LMBR1: variants seen among roughly 807,000 people sequenced by gnomAD.
LMBR1 encodes limb development membrane protein 1.
LMBR1 carries 52 observed loss-of-function variants against 73.9 expected under a neutral mutation model. The observed-to-expected ratio is 0.70, with a 90% CI of 0.56 to 0.89. The LOEUF (loss-of-function observed/expected upper bound fraction) is 0.89, where lower values mean the gene tolerates loss of function less well. Ranked by LOEUF, LMBR1 falls within the 40% of genes least tolerant of loss-of-function variation. The probability of loss-of-function intolerance (pLI) is 0.00; values close to 1 mark genes in which losing one functional copy is unlikely to be tolerated. For synonymous variants in LMBR1, 215 were observed against 209.4 expected, an observed-to-expected ratio of 1.03 and a Z score of -0.23; for missense variants, 539 against 579.8, an observed-to-expected ratio of 0.93 and a Z score of 0.72.
chr7:156,836,480 G>A (rs1443528014), intron 2 of LMBR1, among the ~76,000 whole-genome samples: 1 of 152,168 alleles, frequency 6.6e-6, no homozygotes, highest in Non-Finnish European at 1.5e-5. Context: ...TATGAGGTGT[G>A]GATGAGTAAA....
chr7:156,725,244 G>A (rs1045732122), intron 14 of LMBR1, among the ~76,000 whole-genome samples, 191 bp downstream of exon 14: 2 of 152,110 alleles, frequency 1.3e-5, no homozygotes, highest in Non-Finnish European at 2.9e-5. Context: ...GTGAATGGAC[G>A]CCATCCAAAT....
At chr7:156,713,803 T>C (rs1281830245) in intron 15 of LMBR1, among the ~76,000 whole-genome samples, 2 of 152,238 alleles carry the variant, frequency 1.3e-5, no homozygotes, top group African/African-American at 4.8e-5. Context: ...AATGCATTTA[T>C]TAGACTTCAG....
intron 2 of LMBR1, among the ~76,000 whole-genome samples, chr7:156,836,123 G>A (rs1861118): frequency 0.46 from 69,346 of 151,914 alleles, 16,005 homozygotes; most frequent in East Asian, 0.61. Context: ...CAAAAGTCCC[G>A]CAAGTTTAAA....
chr7:156,699,344 C>A (rs1585244886), intron 15 of LMBR1, among the ~76,000 whole-genome samples: 1 of 151,982 alleles, frequency 6.6e-6, no homozygotes, highest in Non-Finnish European at 1.5e-5. Context: ...GGAAAACTGG[C>A]TAGCCATATG....
At chr7:156,803,431 G>T (rs995004179) in intron 4 of LMBR1, among the ~76,000 whole-genome samples, 1 of 152,120 alleles carries the variant, frequency 6.6e-6, no homozygotes, top group African/African-American at 2.4e-5. Flanking sequence ...TCAGAGAAAT[G>T]CAAATCAAAA....
intron 15 of LMBR1, among the ~76,000 whole-genome samples, chr7:156,692,115 G>A (rs572253393): frequency 4.6e-5 from 7 of 152,104 alleles, no homozygotes; most frequent in African/African-American, 9.6e-5. Context: ...TGCACTTGTC[G>A]CCCAGGCTGG....
chr7:156,751,075 A>G (rs1434996688), intron 9 of LMBR1, among the ~76,000 whole-genome samples: 1 of 152,140 alleles, frequency 6.6e-6, no homozygotes, highest in Non-Finnish European at 1.5e-5. Context: ...GTGTCACTGC[A>G]CTCCAGCCTG....
rs79426021 is a variant in LMBR1, at chr7:156,735,611, G to C, written c.758-1354C>G. 2.4e-3 allele frequency among the ~76,000 whole-genome samples: 357 copies of C among 148,942 alleles called. 1 individual carries two copies. The highest frequency in any genetic ancestry group is 6.9e-3 in the Middle Eastern group (2 of 288). On this transcript the variant is annotated intron_variant, in intron 9 of 16. Transcript: ENST00000353442. ...TGAGACTGGGAGGTTCTGTTTGCTA[G>C]GGTTTTTTTGTTTTTGTTTTTGTTT...
At chr7:156,706,936 G>T (rs1811068944) in intron 15 of LMBR1, among the ~76,000 whole-genome samples, 2 of 149,940 alleles carry the variant, frequency 1.3e-5, no homozygotes, top group Admixed American at 1.3e-4. Flanking sequence ...CAAAGGATCA[G>T]GAAAATGAAA....
At chr7:156,808,008 T>C (rs1002505457) in intron 4 of LMBR1, among the ~76,000 whole-genome samples, 1 of 152,150 alleles carries the variant, frequency 6.6e-6, no homozygotes, top group Non-Finnish European at 1.5e-5. Context: ...AATCCTAAAA[T>C]GTATTGAGAC....
intron 15 of LMBR1, among the ~76,000 whole-genome samples, chr7:156,689,417 T>C (rs1230897078): frequency 1.3e-5 from 2 of 152,224 alleles, no homozygotes; most frequent in Non-Finnish European, 2.9e-5. Context: ...ACTTTGACTA[T>C]ACTCAATTTT....
At chr7:156,886,416 C>T (rs1268077774) in intron 1 of LMBR1, among the ~76,000 whole-genome samples, 1 of 152,196 alleles carries the variant, frequency 6.6e-6, no homozygotes, top group Admixed American at 6.5e-5. Context: ...TCCATATTCA[C>T]TTGTGGGTGG....
At chr7:156,718,559 A>G (rs1255303861) in intron 15 of LMBR1, among the ~76,000 whole-genome samples, 1 of 152,082 alleles carries the variant, frequency 6.6e-6, no homozygotes, top group Non-Finnish European at 1.5e-5. Flanking sequence ...CCCCGTCTCT[A>G]CAAAAAAATA....
At chr7:156,706,592 A>G (rs1810986677) in intron 15 of LMBR1, among the ~76,000 whole-genome samples, 1 of 152,200 alleles carries the variant, frequency 6.6e-6, no homozygotes, top group African/African-American at 2.4e-5. Flanking sequence ...AAAACATACA[A>G]GTACACAGAA....
At chr7:156,773,911 A>G (rs576816942) in intron 5 of LMBR1, among the ~76,000 whole-genome samples, 1 of 152,220 alleles carries the variant, frequency 6.6e-6, no homozygotes, top group Non-Finnish European at 1.5e-5. Flanking sequence ...AAACAAACAA[A>G]CCAACAGAGT....
chr7:156,841,290 C>T (rs1254925130), intron 1 of LMBR1, among the ~76,000 whole-genome samples: 1 of 152,102 alleles, frequency 6.6e-6, no homozygotes, highest in African/African-American at 2.4e-5. Flanking sequence ...ATATAATTCA[C>T]TCAGGTCAAG....
intron 15 of LMBR1, among the ~76,000 whole-genome samples, chr7:156,690,350 T>C (rs145440303): frequency 5.3e-4 from 80 of 152,340 alleles, no homozygotes; most frequent in African/African-American, 1.9e-3. Flanking sequence ...ACTTTATGAA[T>C]GCAAGGAAAT....
intron 5 of LMBR1, among the ~76,000 whole-genome samples, chr7:156,766,027 C>T (rs549876616): frequency 6.6e-6 from 1 of 152,172 alleles, no homozygotes; most frequent in South Asian, 2.1e-4. Flanking sequence ...AAATCAATCA[C>T]CATAAAATTT....
At chr7:156,826,143 C>A (rs919698459) in intron 4 of LMBR1, among the ~76,000 whole-genome samples, 2 of 152,132 alleles carry the variant, frequency 1.3e-5, no homozygotes, top group African/African-American at 4.8e-5. Context: ...CCATGCCTGG[C>A]TAATTTTTAT....
Sources: gnomAD v4.1 joint callset for allele counts (sites outside exome capture counted in the v4.1 genomes callset) on GRCh38, gnomAD v4.1.1 for gene constraint, MANE v1.5 for transcripts, NCBI Gene and HGNC (gene_info 2026-07-23, HGNC 2026-07-21) for gene names.